Variants in MCPH1 observed in about 807,000 individuals in gnomAD.
MCPH1 encodes microcephalin 1, also known as microcephalin.
Under a neutral mutation model 84.5 loss-of-function variants are expected in MCPH1, and 104 were observed. The observed-to-expected ratio is 1.23, with a 90% CI of 1.05 to 1.45. MCPH1 has a LOEUF of 1.45. Ranked by LOEUF, MCPH1 falls within the 40% of genes most tolerant of loss-of-function variation. MCPH1 has a pLI of 0.00. For missense variants in MCPH1, 1,498 were observed against 1,005.7 expected, an observed-to-expected ratio of 1.49 and a Z score of -6.62; for synonymous variants, 514 against 366.8, an observed-to-expected ratio of 1.40 and a Z score of -4.58.
chr8:6,441,697 G>A (rs181557053), intron 6 of MCPH1, among the ~76,000 whole-genome samples: 62 of 152,192 alleles, frequency 4.1e-4, no homozygotes, highest in Admixed American at 1.2e-3. Flanking sequence ...AACACTAGCA[G>A]TGTACCTACT....
At chr8:6,617,879 C>G (rs1473885269) in intron 12 of MCPH1, among the ~76,000 whole-genome samples, 1 of 119,888 alleles carries the variant, frequency 8.3e-6, no homozygotes, top group African/African-American at 3.0e-5. Flanking sequence ...GTCTATCATC[C>G]ATCTATCTAT....
At chr8:6,563,744 T>C (rs1170860865) in intron 12 of MCPH1, among the ~76,000 whole-genome samples, 4 of 152,200 alleles carry the variant, frequency 2.6e-5, no homozygotes, top group African/African-American at 4.8e-5. Flanking sequence ...TTGATTTTAG[T>C]TGATTCTTGA....
At position 6,498,894 on chromosome 8, in the gene MCPH1, C is replaced by CA. The variant is rs542976929; in HGVS notation, c.2137-950dup. 1.8e-4 allele frequency among the ~76,000 whole-genome samples: 28 copies of CA among 151,404 alleles called. No homozygotes were observed. In the East Asian group the frequency reaches 4.3e-3, roughly 23 times the overall value. On this transcript the variant is annotated intron_variant, in intron 11 of 13. Transcript: ENST00000344683. ...TGAAACCCGATCTCTACTACAAATA[C>CA]AAAAAAAATTAGCCAGGTGTGGTGG...
At chr8:6,461,324 A>ATT (rs1491231370) in intron 9 of MCPH1, among the ~76,000 whole-genome samples, 1 of 82,998 alleles carries the variant, frequency 1.2e-5, no homozygotes, top group Admixed American at 2.0e-4. Context: ...ATTTGTTGAG[A>ATT]CTTTTTTTTT....
At chr8:6,573,619 A>G (rs915926934) in intron 12 of MCPH1, among the ~76,000 whole-genome samples, 4 of 150,828 alleles carry the variant, frequency 2.7e-5, no homozygotes, top group African/African-American at 5.0e-5. Context: ...GGCCAACTTA[A>G]GCCTACTTCA....
At chr8:6,593,901 C>T (rs941450683) in intron 12 of MCPH1, among the ~76,000 whole-genome samples, 6 of 152,168 alleles carry the variant, frequency 3.9e-5, no homozygotes, top group African/African-American at 1.4e-4. Context: ...CAAAAGTGGC[C>T]GTCCCTCCCA....
intron 12 of MCPH1, chr8:6,527,474 G>T (rs1818546143): frequency 6.6e-7 from 1 of 1,516,162 alleles, no homozygotes; most frequent in Non-Finnish European, 9.0e-7. Flanking sequence ...TCACCATTCT[G>T]ATAATTCATC....
intron 9 of MCPH1, among the ~76,000 whole-genome samples, chr8:6,466,492 A>T (rs770625714): frequency 6.6e-6 from 1 of 152,160 alleles, no homozygotes; most frequent in Non-Finnish European, 1.5e-5. Flanking sequence ...TATTTTCGGT[A>T]GCAACGAGGT....
chr8:6,542,236 T>A (rs557245549), intron 12 of MCPH1, among the ~76,000 whole-genome samples: 165 of 152,316 alleles, frequency 1.1e-3, no homozygotes, highest in Middle Eastern at 3.4e-3. Flanking sequence ...TAGAATCTTA[T>A]GTATATCTGT....
intron 12 of MCPH1, among the ~76,000 whole-genome samples, chr8:6,520,436 G>A (rs752764585): frequency 2.6e-5 from 4 of 152,094 alleles, no homozygotes; most frequent in Non-Finnish European, 5.9e-5. Context: ...ATCCCACTGA[G>A]GACATAGTGG....
At chr8:6,456,655 G>A (rs1365699669) in intron 9 of MCPH1, among the ~76,000 whole-genome samples, 2 of 132,580 alleles carry the variant, frequency 1.5e-5, no homozygotes, top group African/African-American at 7.2e-5. Flanking sequence ...TACCATGTCT[G>A]GCTTTTTTTT....
At chr8:6,557,415 AT>A (rs747071152) in intron 12 of MCPH1, among the ~76,000 whole-genome samples, 6 of 152,144 alleles carry the variant, frequency 3.9e-5, no homozygotes, top group African/African-American at 1.2e-4. Context: ...CCCTGTTGCG[AT>A]TGCTGCCTTC....
At chr8:6,434,659 ATAAC>A (rs1384296389) in intron 4 of MCPH1, among the ~76,000 whole-genome samples, 1 of 152,236 alleles carries the variant, frequency 6.6e-6, no homozygotes, top group Non-Finnish European at 1.5e-5. Context: ...AAATGAGTGA[ATAAC>A]TAACAGAGCA....
chr8:6,420,890 G>C (rs575725935), intron 3 of MCPH1, among the ~76,000 whole-genome samples: 4 of 152,316 alleles, frequency 2.6e-5, no homozygotes, highest in African/African-American at 9.6e-5. Flanking sequence ...CAAAAGAAGA[G>C]ACTGACGCAA....
chr8:6,622,209 G>A (rs968611980), intron 13 of MCPH1: 3 of 192,844 alleles, frequency 1.6e-5, no homozygotes, highest in African/African-American at 7.0e-5. Flanking sequence ...AGTGAGCACA[G>A]TGTGACCGTA....
chr8:6,435,095 T>C (rs1802452399), intron 4 of MCPH1, among the ~76,000 whole-genome samples: 1 of 152,178 alleles, frequency 6.6e-6, no homozygotes, highest in South Asian at 2.1e-4. Context: ...TGGGGTTTCA[T>C]GTGTTTGTGA....
chr8:6,446,876 T>C, intron 8 of MCPH1: 1 of 984,680 alleles, frequency 1.0e-6, no homozygotes. Flanking sequence ...TCTAGAACAC[T>C]GCCCCCCTGC....
At chr8:6,586,962 C>T (rs916264442) in intron 12 of MCPH1, among the ~76,000 whole-genome samples, 2 of 152,124 alleles carry the variant, frequency 1.3e-5, no homozygotes, top group Admixed American at 1.3e-4. Flanking sequence ...GCTGTGGGAG[C>T]CGAGCCCCGT....
intron 12 of MCPH1, among the ~76,000 whole-genome samples, chr8:6,589,396 A>T (rs999887927): frequency 5.9e-5 from 9 of 152,226 alleles, no homozygotes; most frequent in Admixed American, 5.9e-4. Context: ...GGATATTGAC[A>T]TGAAAACAGG....
Sources: allele counts gnomAD v4.1 joint callset (sites outside exome capture counted in the v4.1 genomes callset), GRCh38; gene constraint gnomAD v4.1.1; transcripts MANE v1.5; gene names NCBI Gene and HGNC (gene_info 2026-07-23, HGNC 2026-07-21).